CDH4: variants seen among roughly 807,000 people sequenced by gnomAD.
The protein encoded by CDH4 is cadherin 4.
A neutral mutation model predicts 86.0 loss-of-function variants in CDH4; 33 were observed. The ratio of observed to expected loss-of-function variants is 0.38; its 90% CI spans 0.29 to 0.51. The LOEUF (loss-of-function observed/expected upper bound fraction) is 0.51, where lower values mean the gene tolerates loss of function less well. Among genes scored for constraint, CDH4 ranks in the 20% least tolerant of loss-of-function variants. The pLI is 0.86. For missense variants in CDH4, 1,114 were observed against 1,307.4 expected, an observed-to-expected ratio of 0.85 and a Z score of 2.28; for synonymous variants, 555 against 549.4, an observed-to-expected ratio of 1.01 and a Z score of -0.14.
At position 61,283,528 on chromosome 20, in the gene CDH4, G is replaced by T. The variant is rs1157729568; in HGVS notation, c.169+28591G>T. Among the ~76,000 whole-genome samples, 439 of 88,700 alleles carry T rather than the reference G, an allele frequency of 4.9e-3. 60 individuals carry two copies. The highest frequency in any genetic ancestry group is 7.7e-3 in the African/African-American group (173 of 22,496). The allele number at this position is 88,700 out of a possible 152,430, so 58.2% of individuals were successfully genotyped here. Reference sequence around the variant, plus strand: ...CGCGTGTGCTGTGGTGTGTGATGTAGGTGCATTTACACGCGTGTGCTGTGG... The same window carrying T: ...CGCGTGTGCTGTGGTGTGTGATGTATGTGCATTTACACGCGTGTGCTGTGG... On this transcript the variant is annotated intron_variant, in intron 2 of 15. Transcript: ENST00000614565.
chr20:61,444,275 A>G (rs117409839), intron 2 of CDH4, among the ~76,000 whole-genome samples: 72 of 1,412 alleles, frequency 0.051, no homozygotes, highest in Non-Finnish European at 0.06. Context: ...GTGTGTGTGT[A>G]TGTGTATGTA....
chr20:61,381,065 G>T (rs1229259938), intron 2 of CDH4, among the ~76,000 whole-genome samples: 3 of 152,198 alleles, frequency 2.0e-5, no homozygotes, highest in Non-Finnish European at 4.4e-5. Flanking sequence ...GCAAGGGAAG[G>T]TTATCTGGTC....
chr20:61,652,938 A>ATTTTATTTTTTTT (rs2087138442), intron 2 of CDH4, among the ~76,000 whole-genome samples: 1 of 97,402 alleles, frequency 1.0e-5, no homozygotes, highest in Non-Finnish European at 2.4e-5. Context: ...TTATTTATTT[A>ATTTTATTTTTTTT]TTTTTTTTTT....
chr20:61,404,682 C>T (rs940571029), intron 2 of CDH4, among the ~76,000 whole-genome samples: 1 of 151,232 alleles, frequency 6.6e-6, no homozygotes, highest in African/African-American at 2.4e-5. Flanking sequence ...TGAAACATCC[C>T]GAGGCTTCAG....
intron 2 of CDH4, among the ~76,000 whole-genome samples, chr20:61,380,213 T>G (rs554493337): frequency 1.3e-5 from 2 of 152,354 alleles, no homozygotes; most frequent in African/African-American, 2.4e-5. Context: ...ATGATTTTAA[T>G]GTACTGCATT....
intron 5 of CDH4, among the ~76,000 whole-genome samples, chr20:61,851,805 C>T (rs369840125): frequency 6.6e-6 from 1 of 152,192 alleles, no homozygotes. Context: ...CGAGAGGCCT[C>T]CCTGGCGGCC....
rs11481264 is a variant in CDH4, at chr20:61,451,129, C to CCGT, written c.169+196193_169+196194insGTC. Among the ~76,000 whole-genome samples, 313 of 149,760 alleles carry CCGT rather than the reference C, an allele frequency of 2.1e-3. 2 individuals carry two copies. Among genetic ancestry groups the CCGT allele is most frequent in the Non-Finnish European group, 3.5e-3 (236 of 67,568 alleles). ...TTTTTCCCTCCCTCTCACGCCCCCC[C>CCGT]CCTTCCCTCCGTGTCATCCTGCCAC... On this transcript the variant is annotated intron_variant, in intron 2 of 15. Coordinates refer to ENST00000614565, the MANE Select transcript of CDH4 (RefSeq NM_001794.5).
chr20:61,416,016 T>TCC (rs2085145143), intron 2 of CDH4, among the ~76,000 whole-genome samples: 1 of 148,476 alleles, frequency 6.7e-6, no homozygotes, highest in African/African-American at 2.5e-5. Flanking sequence ...TCCTTTTTTT[T>TCC]TTTTTTTTTC....
chr20:61,914,008 T>A (rs1265060207), intron 9 of CDH4, among the ~76,000 whole-genome samples: 1 of 152,188 alleles, frequency 6.6e-6, no homozygotes. Context: ...CCGAAGCATG[T>A]CTACAGAACG....
In CDH4 at chr20:61,392,392, C is replaced by T. The variant is rs1364383034; in HGVS notation, c.169+137455C>T. On this transcript the variant is annotated intron_variant, in intron 2 of 15. Coordinates refer to ENST00000614565, the MANE Select transcript of CDH4 (RefSeq NM_001794.5). The surrounding 1 kb of genome is among the most constrained non-coding windows in gnomAD (Gnocchi z 5.7). ...AGTATGCATGATCACAGGGCGCCAC[C>T]GGGATGGAACGCACGGCGCCCCGAC... 1.3e-5 allele frequency among the ~76,000 whole-genome samples: 2 copies of T among 152,150 alleles called. No homozygotes were observed. Among genetic ancestry groups the T allele is most frequent in the African/African-American group, 4.8e-5 (2 of 41,442 alleles).
chr20:61,933,996 T>G (rs73917153), intron 14 of CDH4, 60 bp from the exon 15 acceptor site: 1 of 1,585,454 alleles, frequency 6.3e-7, no homozygotes, highest in Non-Finnish European at 8.6e-7. Context: ...GGATGCAGGG[T>G]GGAAGGGGGG....
intron 4 of CDH4, among the ~76,000 whole-genome samples, chr20:61,776,656 A>G (rs528895181): frequency 2.6e-5 from 4 of 152,328 alleles, no homozygotes; most frequent in South Asian, 4.1e-4. Flanking sequence ...GACGAGCTGC[A>G]CTGCAGCATT....
chr20:61,872,829 G>C (rs1040622431), intron 6 of CDH4, among the ~76,000 whole-genome samples: 4 of 152,236 alleles, frequency 2.6e-5, no homozygotes, highest in Non-Finnish European at 5.9e-5. Flanking sequence ...CCTCCACCGG[G>C]TACAGCGCTA....
intron 4 of CDH4, among the ~76,000 whole-genome samples, chr20:61,839,644 G>A (rs375572004): frequency 9.5e-4 from 144 of 151,892 alleles, no homozygotes; most frequent in African/African-American, 3.2e-3. Flanking sequence ...TTGTGTTTGT[G>A]TCGTGTACAT....
At chr20:61,758,360 G>A (rs938024886) in intron 3 of CDH4, among the ~76,000 whole-genome samples, 2 of 152,236 alleles carry the variant, frequency 1.3e-5, no homozygotes, top group African/African-American at 4.8e-5. Context: ...ACTGTGGGAT[G>A]TGTGCTCTGC....
chr20:61,302,510 G>A (rs748897320), intron 2 of CDH4, among the ~76,000 whole-genome samples: 53 of 151,446 alleles, frequency 3.5e-4, no homozygotes, highest in Admixed American at 1.6e-3. Context: ...TGTCACAAAC[G>A]TCATTCTTCA....
intron 2 of CDH4, among the ~76,000 whole-genome samples, chr20:61,654,209 G>A (rs752786386): frequency 7.2e-5 from 11 of 152,294 alleles, no homozygotes; most frequent in African/African-American, 1.2e-4. Context: ...GATCACTCGC[G>A]GTTAGGAGCT....
rs773414923 is a variant in CDH4 at position 61,923,663 on chromosome 20, T to A, written c.1587T>A (p.Phe529Leu). 1 of 1,614,026 alleles carries A rather than the reference T, an allele frequency of 6.2e-7. No homozygotes were observed. The highest frequency in any genetic ancestry group is 8.5e-7 in the Non-Finnish European group (1 of 1,180,024). The change falls in exon 10 of 16, where the codon TTT (phenylalanine) becomes TTA (leucine). Residue 529 changes from phenylalanine to leucine, a missense_variant. Transcript: ENST00000614565. ...CCCCCGGCACCGTGCTGACCACGTTTTCAGCTGTGGACCCTGACCGGTTCA... is the reference window on the plus strand; with the variant it reads ...CCCCCGGCACCGTGCTGACCACGTTATCAGCTGTGGACCCTGACCGGTTCA... ...GVPPGTVLTT[F>L]SAVDPDRFMQ... is the part of the protein sequence containing the mutation.
chr20:61,389,632 C>A (rs6142657), intron 2 of CDH4, among the ~76,000 whole-genome samples: 10,520 of 152,218 alleles, frequency 0.069, 770 homozygotes, highest in East Asian at 0.38. Context: ...TAGATCGACG[C>A]TTCTCAACTG....
Sources: allele counts gnomAD v4.1 joint callset (sites outside exome capture counted in the v4.1 genomes callset), GRCh38; gene constraint gnomAD v4.1.1; non-coding constraint Gnocchi (gnomAD v3.1); transcripts MANE v1.5; gene names NCBI Gene and HGNC (gene_info 2026-07-23, HGNC 2026-07-21).